The following LYPD6B variants were observed in gnomAD, a reference collection of about 807,000 sequenced individuals.
The protein encoded by LYPD6B is LY6/PLAUR domain containing 6B.
A neutral mutation model predicts 22.8 loss-of-function variants in LYPD6B; 17 were observed. That is an observed-to-expected ratio of 0.75 (90% confidence interval 0.51 to 1.12). The LOEUF is 1.12. Among genes scored for constraint, LYPD6B ranks in the 50% most tolerant of loss-of-function variants. The pLI is 0.00. For synonymous variants in LYPD6B, 106 were observed against 91.6 expected (o/e 1.16, Z -0.90); for missense variants, 221 against 258.3 (o/e 0.86, Z 0.99).
Position 149,193,961 on chromosome 2 carries a change from A to G in LYPD6B, c.78-11292A>G, listed in dbSNP as rs142713534. ...GCTATGTCCATACCAACATGTGTCC[A>G]TCTTTCTGAGCCCTTTTATTGAAGT... On this transcript the variant is annotated intron_variant, in intron 3 of 6. Transcript: ENST00000409642. 1.1e-4 allele frequency among the ~76,000 whole-genome samples: 16 copies of G among 152,300 alleles called. No homozygotes were observed. In the East Asian group the frequency reaches 2.9e-3, roughly 28 times the overall value.
chr2:149,127,520 AGGGCTACCCTGACTTCT>A (rs1231298188), intron 1 of LYPD6B, among the ~76,000 whole-genome samples: 2 of 152,224 alleles, frequency 1.3e-5, no homozygotes, highest in African/African-American at 4.8e-5. Context: ...ACCTGCTCCC[AGGGCTACCCTGACTTCT>A]GTGTGTGCTT....
At chr2:149,165,237 A>G (rs901305567) in intron 3 of LYPD6B, among the ~76,000 whole-genome samples, 3 of 152,148 alleles carry the variant, frequency 2.0e-5, no homozygotes, top group Admixed American at 6.6e-5. Flanking sequence ...GAAATTACGT[A>G]GCCTCTCTTC....
chr2:149,090,869 G>C (rs1685618570), intron 1 of LYPD6B, among the ~76,000 whole-genome samples: 1 of 152,120 alleles, frequency 6.6e-6, no homozygotes, highest in Non-Finnish European at 1.5e-5. Context: ...ACAGCATTTG[G>C]CAATGTTGTT....
chr2:149,087,026 C>A (rs1032214485), intron 1 of LYPD6B, among the ~76,000 whole-genome samples: 1 of 150,968 alleles, frequency 6.6e-6, no homozygotes, highest in Non-Finnish European at 1.5e-5. Context: ...TTTAAAAAAA[C>A]CCTATCTCCA....
At chr2:149,178,627 C>T (rs1287762879) in intron 3 of LYPD6B, among the ~76,000 whole-genome samples, 3 of 152,180 alleles carry the variant, frequency 2.0e-5, no homozygotes, top group African/African-American at 4.8e-5. Flanking sequence ...TTTTGTTTTC[C>T]GTTAAACTTG....
intron 3 of LYPD6B, among the ~76,000 whole-genome samples, chr2:149,185,262 G>A (rs953850059): frequency 1.3e-5 from 2 of 152,132 alleles, no homozygotes; most frequent in Non-Finnish European, 2.9e-5. Flanking sequence ...CCCAAAACTA[G>A]AACAATCTCA....
At chr2:149,084,639 G>C (rs1221685070) in intron 1 of LYPD6B, among the ~76,000 whole-genome samples, 1 of 152,126 alleles carries the variant, frequency 6.6e-6, no homozygotes, top group Non-Finnish European at 1.5e-5. Context: ...AGTCATTATA[G>C]GTTTGTTCAA....
chr2:149,053,122 T>G lies in LYPD6B; in HGVS notation c.-67+14321T>G, dbSNP rs149265171. ...CCAGCTAGTGTTGGACAGAATAGTTTTATGATTTCTATAATATGGAGGTAT... is the reference window on the plus strand; with the variant it reads ...CCAGCTAGTGTTGGACAGAATAGTTGTATGATTTCTATAATATGGAGGTAT... On this transcript the variant is annotated intron_variant, in intron 1 of 6. Coordinates refer to ENST00000409642, the MANE Select transcript of LYPD6B (RefSeq NM_177964.5). 7.9e-4 allele frequency among the ~76,000 whole-genome samples: 120 copies of G among 152,328 alleles called. 1 individual carries two copies. The East Asian group carries it at 0.021, about 27-fold the overall frequency.
intron 2 of LYPD6B, among the ~76,000 whole-genome samples, chr2:149,135,182 T>C (rs1273080370): frequency 6.6e-6 from 1 of 151,142 alleles, no homozygotes; most frequent in African/African-American, 2.4e-5. Context: ...GAGACGGAGG[T>C]TGTAGTGAGC....
intron 1 of LYPD6B, among the ~76,000 whole-genome samples, chr2:149,126,611 G>C (rs1687710877): frequency 6.6e-6 from 1 of 152,184 alleles, no homozygotes; most frequent in African/African-American, 2.4e-5. Flanking sequence ...TGCATCTCAA[G>C]GGTGGGAGAG....
At chr2:149,212,758 A>G (rs973013686) in intron 5 of LYPD6B, among the ~76,000 whole-genome samples, 3 of 152,186 alleles carry the variant, frequency 2.0e-5, no homozygotes, top group Admixed American at 6.5e-5. Context: ...CCACAGGATG[A>G]GCGCCCATTT....
rs192062223 is a variant in LYPD6B at position 149,065,031 on chromosome 2, C to G, written c.-67+26230C>G. Among the ~76,000 whole-genome samples, 356 of 152,242 alleles carry G rather than the reference C, an allele frequency of 2.3e-3. 3 individuals carry two copies. Among genetic ancestry groups the G allele is most frequent in the South Asian group, 0.016 (75 of 4,820 alleles). On this transcript the variant is annotated intron_variant, in intron 1 of 6. Transcript: ENST00000409642. Reference sequence around the variant, plus strand: ...TTTGGCATTGATTCCCAGAGGACTGCGATGTGTCTGAGGAGTGCATGGTTG... The same window carrying G: ...TTTGGCATTGATTCCCAGAGGACTGGGATGTGTCTGAGGAGTGCATGGTTG...
At chr2:149,146,933 G>T (rs1400278681) in intron 2 of LYPD6B, among the ~76,000 whole-genome samples, 2 of 152,098 alleles carry the variant, frequency 1.3e-5, no homozygotes, top group Non-Finnish European at 2.9e-5. Context: ...AGAAAGTCGA[G>T]GTGCACACAT....
chr2:149,139,417 C>A (rs577604702), intron 2 of LYPD6B, among the ~76,000 whole-genome samples: 2 of 152,046 alleles, frequency 1.3e-5, no homozygotes, highest in African/African-American at 4.8e-5. Context: ...TATAATCTGC[C>A]GCTTCATTAG....
At chr2:149,087,562 TA>T (rs59650795) in intron 1 of LYPD6B, among the ~76,000 whole-genome samples, 34 of 148,928 alleles carry the variant, frequency 2.3e-4, no homozygotes, top group African/African-American at 6.1e-4. Flanking sequence ...TGTGACTGTC[TA>T]AAAAAAAAAA....
rs79128290 is a variant in LYPD6B at position 149,186,207 on chromosome 2, A to G, written c.78-19046A>G. ...TGTGCCAAACAGCCAAGTTGAGAATACAAGGGAGAAGTTCTTGAAGGAAAT... is the reference window on the plus strand; with the variant it reads ...TGTGCCAAACAGCCAAGTTGAGAATGCAAGGGAGAAGTTCTTGAAGGAAAT... On this transcript the variant is annotated intron_variant, in intron 3 of 6. Transcript: ENST00000409642. Among the ~76,000 whole-genome samples, 1,036 of 152,362 alleles carry G rather than the reference A, an allele frequency of 6.8e-3. 17 individuals are homozygous for G. Among genetic ancestry groups the G allele is most frequent in the African/African-American group, 0.023 (954 of 41,590 alleles).
chr2:149,071,310 A>C (rs1302319010), intron 1 of LYPD6B, among the ~76,000 whole-genome samples: 2 of 152,174 alleles, frequency 1.3e-5, no homozygotes, highest in African/African-American at 4.8e-5. Flanking sequence ...TCCTGTTACA[A>C]ATGCCGTTTT....
chr2:149,120,419 A>G (rs1382732608), intron 1 of LYPD6B, among the ~76,000 whole-genome samples: 2 of 101,770 alleles, frequency 2.0e-5, no homozygotes, highest in Non-Finnish European at 3.6e-5. Flanking sequence ...GAGTCTTGCT[A>G]TCTCCCAGGC....
At chr2:149,189,601 A>G (rs1336650433) in intron 3 of LYPD6B, among the ~76,000 whole-genome samples, 1 of 151,888 alleles carries the variant, frequency 6.6e-6, no homozygotes, top group Non-Finnish European at 1.5e-5. Flanking sequence ...CTGTAGAGTA[A>G]GGGAGAAGTG....
Sources: gnomAD v4.1 joint callset for allele counts (sites outside exome capture counted in the v4.1 genomes callset) on GRCh38, gnomAD v4.1.1 for gene constraint, MANE v1.5 for transcripts, NCBI Gene and HGNC (gene_info 2026-07-23, HGNC 2026-07-21) for gene names.